Variants in ASTN2 observed in about 807,000 individuals in gnomAD.
The protein encoded by ASTN2 is astrotactin 2.
Under a neutral mutation model 139.8 loss-of-function variants are expected in ASTN2, and 54 were observed. The ratio of observed to expected loss-of-function variants is 0.39; its 90% CI spans 0.31 to 0.48. The LOEUF is 0.48. Ranked by LOEUF, ASTN2 falls within the 20% of genes least tolerant of loss-of-function variation. The pLI, the probability that ASTN2 is intolerant of heterozygous loss-of-function variation, is 0.95. For synonymous variants in ASTN2, 756 were observed against 719.5 expected (o/e 1.05, Z -0.81); for missense variants, 1,565 against 1,725.1 (o/e 0.91, Z 1.64).
chr9:116,629,112 C>CTTTT (rs57200909), intron 17 of ASTN2, among the ~76,000 whole-genome samples: 24 of 100,480 alleles, frequency 2.4e-4, no homozygotes, highest in Non-Finnish European at 3.3e-4. Flanking sequence ...TCCAGTAACT[C>CTTTT]TTTTTTTTTT....
At chr9:116,964,211 C>T (rs939147870) in intron 10 of ASTN2, among the ~76,000 whole-genome samples, 1 of 134,234 alleles carries the variant, frequency 7.4e-6, no homozygotes, top group Non-Finnish European at 1.6e-5. Context: ...ACTAGACTGC[C>T]CTGGGGTGTG....
intron 16 of ASTN2, among the ~76,000 whole-genome samples, chr9:116,673,853 C>A (rs1859341161): frequency 1.3e-5 from 2 of 152,154 alleles, no homozygotes; most frequent in Admixed American, 6.5e-5. Flanking sequence ...GTTACTGCAA[C>A]CTTAGCAAAC....
chr9:117,272,813 T>C (rs1834098886), intron 2 of ASTN2, among the ~76,000 whole-genome samples: 1 of 152,204 alleles, frequency 6.6e-6, no homozygotes, highest in Non-Finnish European at 1.5e-5. Flanking sequence ...TGGACCTTAT[T>C]GTTCATATCA....
At chr9:117,008,066 TCC>T in intron 7 of ASTN2, 24 bp downstream of exon 7, 1 of 1,554,664 alleles carries the variant, frequency 6.4e-7, no homozygotes. Flanking sequence ...CCACCTTCTA[TCC>T]CCATCCCGGC....
chr9:117,352,866 A>G (rs1829428416), intron 1 of ASTN2, among the ~76,000 whole-genome samples: 1 of 152,220 alleles, frequency 6.6e-6, no homozygotes, highest in African/African-American at 2.4e-5. Flanking sequence ...ATGCCTCATC[A>G]TGGATGAAGC....
At position 116,671,112 on chromosome 9, in the gene ASTN2, T is replaced by C. The variant is rs764928224; in HGVS notation, c.2807-19319A>G. On this transcript the variant is annotated intron_variant, in intron 16 of 22. Transcript: ENST00000313400. ...TTATAAAGGCCAGTAAAAAATTATT[T>C]CAAACATTTTTCATATTAAGTAAAT... Among the ~76,000 whole-genome samples, 95 of 152,256 alleles carry C rather than the reference T, an allele frequency of 6.2e-4. 1 individual carries two copies. Among genetic ancestry groups the C allele is most frequent in the Admixed American group, 1.6e-3 (25 of 15,292 alleles).
At chr9:117,362,799 A>G (rs189836133) in intron 1 of ASTN2, among the ~76,000 whole-genome samples, 204 of 152,194 alleles carry the variant, frequency 1.3e-3, no homozygotes, top group Non-Finnish European at 2.6e-3. Flanking sequence ...TCTAACCATG[A>G]AAGTCCTGCC....
intron 16 of ASTN2, among the ~76,000 whole-genome samples, chr9:116,723,001 T>C (rs190464070): frequency 2.6e-3 from 390 of 152,154 alleles, no homozygotes; most frequent in African/African-American, 9.2e-3. Flanking sequence ...CCATCTCTAC[T>C]AAAAATAGAA....
chr9:116,778,220 T>C (rs1363829527), intron 13 of ASTN2, among the ~76,000 whole-genome samples: 1 of 152,012 alleles, frequency 6.6e-6, no homozygotes, highest in Admixed American at 6.5e-5. Flanking sequence ...TGCCATGATG[T>C]TGGGAAATGA....
intron 19 of ASTN2, among the ~76,000 whole-genome samples, chr9:116,497,676 G>A (rs1849711140): frequency 6.6e-6 from 1 of 152,092 alleles, no homozygotes; most frequent in Non-Finnish European, 1.5e-5. Context: ...GCTGCAGCGG[G>A]TATTGCTAAC....
chr9:116,632,967 G>T (rs981394862), intron 17 of ASTN2, among the ~76,000 whole-genome samples: 2 of 152,176 alleles, frequency 1.3e-5, no homozygotes, highest in Middle Eastern at 3.2e-3. Flanking sequence ...TTGTATGAAC[G>T]CCTGTTGTAT....
intron 5 of ASTN2, among the ~76,000 whole-genome samples, chr9:117,063,453 C>A (rs1480068039): frequency 6.6e-6 from 1 of 152,138 alleles, no homozygotes; most frequent in Non-Finnish European, 1.5e-5. Context: ...TAAGGGGAAA[C>A]CCATTTCGCT....
At chr9:117,145,051 T>C (rs1830164694) in intron 3 of ASTN2, among the ~76,000 whole-genome samples, 1 of 152,018 alleles carries the variant, frequency 6.6e-6, no homozygotes, top group Non-Finnish European at 1.5e-5. Context: ...AGGTAAACTG[T>C]GTGTCATGGG....
chr9:117,396,857 C>A (rs1197373288), intron 1 of ASTN2, among the ~76,000 whole-genome samples: 1 of 151,840 alleles, frequency 6.6e-6, no homozygotes, highest in Non-Finnish European at 1.5e-5. Flanking sequence ...TGAGCCACCA[C>A]ACCCAGCTAT....
rs1320403053 is a variant in ASTN2, at chr9:116,570,030, GA to G, written c.3355+48293del. ...TGGAGATGCTTATTACCATGGGGTG[GA>G]AAAGTCAGGGGGCTTTGAAGCAGAT... On this transcript the variant is annotated intron_variant, in intron 19 of 22. Coordinates refer to ENST00000313400, the MANE Select transcript of ASTN2 (RefSeq NM_001365068.1). Among the ~76,000 whole-genome samples, 3 of 152,304 alleles carry G rather than the reference GA, an allele frequency of 2.0e-5. No homozygotes were observed. The East Asian group carries it at 5.8e-4, about 29-fold the overall frequency.
At chr9:116,655,869 G>GT (rs368163090) in intron 16 of ASTN2, among the ~76,000 whole-genome samples, 3 of 151,004 alleles carry the variant, frequency 2.0e-5, no homozygotes, top group East Asian at 1.9e-4. Flanking sequence ...GTTTTCTTGT[G>GT]TTTTTTGTTG....
chr9:117,026,623 A>G (rs1838092990), intron 6 of ASTN2, among the ~76,000 whole-genome samples: 1 of 151,980 alleles, frequency 6.6e-6, no homozygotes, highest in Non-Finnish European at 1.5e-5. Context: ...TTGTTCAGGC[A>G]TTATCTTATG....
intron 2 of ASTN2, among the ~76,000 whole-genome samples, chr9:117,227,723 T>A (rs1473507247): frequency 6.6e-6 from 1 of 152,202 alleles, no homozygotes; most frequent in Admixed American, 6.5e-5. Flanking sequence ...ACAAATGTGA[T>A]AACTAACTGT....
At chr9:116,688,950 C>T (rs946982566) in intron 16 of ASTN2, among the ~76,000 whole-genome samples, 1 of 152,020 alleles carries the variant, frequency 6.6e-6, no homozygotes, top group African/African-American at 2.4e-5. Context: ...TGGTTCTTAA[C>T]CAAGTCTGGC....
Sources: gnomAD v4.1 joint callset for allele counts (sites outside exome capture counted in the v4.1 genomes callset) on GRCh38, gnomAD v4.1.1 for gene constraint, MANE v1.5 for transcripts, NCBI Gene and HGNC (gene_info 2026-07-23, HGNC 2026-07-21) for gene names.